The following FAT1 variants were observed in gnomAD, a reference collection of about 807,000 sequenced individuals.
FAT1 encodes the protein protocadherin Fat 1.
A neutral mutation model predicts 329.8 loss-of-function variants in FAT1; 171 were observed. That is an observed-to-expected ratio of 0.52 (90% CI 0.46 to 0.59). The LOEUF (loss-of-function observed/expected upper bound fraction) is 0.59. FAT1 is among the 20% of genes least tolerant of loss of function. The pLI is 0.00. For synonymous variants in FAT1, 2,233 were observed against 2,228.6 expected (o/e 1.00, Z -0.06); for missense variants, 5,672 against 5,774.4 (o/e 0.98, Z 0.57).
intron 26 of FAT1, among the ~76,000 whole-genome samples, chr4:186,591,668 C>G (rs1314009635): frequency 7.9e-5 from 12 of 152,208 alleles, no homozygotes; most frequent in Admixed American, 7.9e-4. Flanking sequence ...TAAAACTTCA[C>G]TAGACAAAAT....
rs771965001 is a variant in FAT1, at chr4:186,588,654, C to G, written c.13705G>C (p.Asp4569His). ...VMMSDYESGDDGHFEEVTIPP... is the reference protein window; with the variant it reads ...VMMSDYESGDHGHFEEVTIPP... ...ATCGTCACCTCTTCGAAGTGGCCGT[C>G]GTCCCCGCTCTCATAGTCACTCATC... is the stretch of plus-strand genomic sequence containing the variant. Residue 4569 changes from aspartate to histidine, a missense_variant, in exon 27 of 27, where the codon GAC becomes CAC. This residue lies in a region of FAT1 where 1,706 missense variants were observed against 1,859.1 expected (regional missense o/e 0.92). Transcript: ENST00000441802. The G allele has an allele frequency of 6.2e-7, 1 of 1,613,924 alleles. No individual in the cohort carries two copies. Among genetic ancestry groups the G allele is most frequent in the Non-Finnish European group, 8.5e-7 (1 of 1,179,870 alleles).
rs781514297 is a variant in FAT1, at chr4:186,611,395, A to C, written c.9844T>G (p.Ser3282Ala). The C allele has an allele frequency of 3.1e-6, 5 of 1,609,182 alleles. No individual in the cohort carries two copies. Among genetic ancestry groups the C allele is most frequent in the Non-Finnish European group, 4.2e-6 (5 of 1,177,568 alleles). ...GNEHGKFSID[S>A]KTGAVFIIEN... ...ATACATGGTAGGTTACCTGTTTTAG[A>C]ATCTATGCTGAATTTCCCATGTTCA... Residue 3282 changes from serine to alanine, a missense_variant, in exon 14 of 27, where the codon TCT (serine) becomes GCT (alanine). Ser to Ala is a moderately conservative substitution (Grantham distance 99). Transcript: ENST00000441802.
chr4:186,659,700 G>A (rs1170374608), intron 3 of FAT1, among the ~76,000 whole-genome samples: 1 of 118,032 alleles, frequency 8.5e-6, no homozygotes, highest in South Asian at 2.9e-4. Flanking sequence ...CCTGAACGAC[G>A]CTGGGCGCTC....
At position 186,720,950 on chromosome 4, in the gene FAT1, G is replaced by A. The variant is rs527648203; in HGVS notation, c.-19+2714C>T. ...GAGGCTGGTAACAACACTGCAGGTGGCTGCTCTGTAGAGGACTCATTTCCA... is the reference window on the plus strand; with the variant it reads ...GAGGCTGGTAACAACACTGCAGGTGACTGCTCTGTAGAGGACTCATTTCCA... On this transcript the variant is annotated intron_variant, in intron 1 of 26. Transcript: ENST00000441802. Among the ~76,000 whole-genome samples, 36 of 152,308 alleles carry A rather than the reference G, an allele frequency of 2.4e-4. No homozygotes were observed. The South Asian group carries it at 7.2e-3, about 31-fold the overall frequency.
At chr4:186,601,555 T>C (rs1738822632) in intron 20 of FAT1, 129 bp from the exon 21 acceptor site, 1 of 651,190 alleles carries the variant, frequency 1.5e-6, no homozygotes, top group Non-Finnish European at 2.4e-6. Context: ...TACTATCCAA[T>C]TCTGTGGGAA....
At chr4:186,692,523 A>G (rs889284050) in intron 2 of FAT1, among the ~76,000 whole-genome samples, 1 of 152,180 alleles carries the variant, frequency 6.6e-6, no homozygotes, top group Admixed American at 6.5e-5. Flanking sequence ...CGTGTTAGCC[A>G]GGATGGTCTC....
In FAT1 at chr4:186,707,161, A is replaced by G. The variant is rs749348219; in HGVS notation, c.2667T>C (p.His889=). The G allele has an allele frequency of 6.2e-7, 1 of 1,613,930 alleles. No homozygotes were observed. The highest frequency in any genetic ancestry group is 8.5e-7 in the Non-Finnish European group (1 of 1,179,872). ...IARPLDRELQ[H]EHSLKIEARD... The stretch of plus-strand genomic sequence containing the variant: ...TGGCCTCAATCTTTAAGGAGTGCTC[A>G]TGCTGCAGCTCTCGATCCAGAGGGC... The change falls in exon 2 of 27, where the codon CAT becomes CAC. Residue 889 remains histidine, a synonymous_variant. Coordinates refer to ENST00000441802, the MANE Select transcript of FAT1 (RefSeq NM_005245.4).
intron 6 of FAT1, among the ~76,000 whole-genome samples, chr4:186,635,724 C>G (rs1740789483): frequency 6.6e-6 from 1 of 152,168 alleles, no homozygotes; most frequent in African/African-American, 2.4e-5. Flanking sequence ...CAGTAAGAAG[C>G]TGTGCTTCTG....
chr4:186,663,653 G>A lies in FAT1; in HGVS notation c.3266-40C>T, dbSNP rs73873682. ...GAAAAGCGTAAAGCAGCACATCAAC[G>A]ACCAAAACTGCCAGCTTCAGAAAGT... On this transcript the variant is annotated intron_variant, in intron 2 of 26. Transcript: ENST00000441802. 4,435 of 1,493,120 alleles carry A rather than the reference G, an allele frequency of 3.0e-3. 109 individuals are homozygous for A. In the African/African-American group the frequency reaches 0.053, roughly 18 times the overall value. 92.5% of individuals were successfully genotyped at this position (1,493,120 alleles called of 1,614,324 possible). A position where few individuals can be genotyped will look rare whatever the true frequency, so the allele number is the denominator to read the frequency against.
intron 17 of FAT1, among the ~76,000 whole-genome samples, chr4:186,605,158 G>A (rs1236440870): frequency 6.8e-6 from 1 of 146,850 alleles, no homozygotes; most frequent in Non-Finnish European, 1.5e-5. Context: ...GGAGGGTGCA[G>A]TGAGCTGAGA....
rs376247803 is a variant in FAT1, at chr4:186,652,007, T to C, written c.3580+11292A>G. 9.7e-4 allele frequency among the ~76,000 whole-genome samples: 148 copies of C among 152,340 alleles called. No homozygotes were observed. The South Asian group carries it at 0.02, about 21-fold the overall frequency. On this transcript the variant is annotated intron_variant, in intron 3 of 26. Transcript: ENST00000441802. ...AGGCTGGAAAGCAGCTCAGAACTCATTTAGTTCAAACTTTCAGAGTTCCAA... is the reference window on the plus strand; with the variant it reads ...AGGCTGGAAAGCAGCTCAGAACTCACTTAGTTCAAACTTTCAGAGTTCCAA...
At chr4:186,648,246 T>G (rs1741471424) in intron 3 of FAT1, among the ~76,000 whole-genome samples, 1 of 152,200 alleles carries the variant, frequency 6.6e-6, no homozygotes, top group South Asian at 2.1e-4. Flanking sequence ...ATTGTGGCCA[T>G]CTTTAATCTT....
intron 18 of FAT1, 97 bp from the exon 19 acceptor site, chr4:186,604,074 C>G: frequency 2.2e-6 from 2 of 925,692 alleles, no homozygotes; most frequent in Non-Finnish European, 3.2e-6. Context: ...CAAAAAATTA[C>G]TAACTGGTAG....
At chr4:186,593,834 C>A (rs917993180) in intron 26 of FAT1, among the ~76,000 whole-genome samples, 7 of 152,126 alleles carry the variant, frequency 4.6e-5, no homozygotes, top group Admixed American at 1.3e-4. Context: ...GACAGCAACA[C>A]AAGTCTACAT....
intron 22 of FAT1, 132 bp from the exon 23 acceptor site, chr4:186,598,257 A>G (rs1323604514): frequency 1.0e-5 from 9 of 895,546 alleles, no homozygotes; most frequent in Non-Finnish European, 1.5e-5. Context: ...TCTCTGGGAA[A>G]AAAGTTGGCT....
chr4:186,610,074 T>A lies in FAT1; in HGVS notation c.9854-59A>T, dbSNP rs1337091753. The A allele has an allele frequency of 3.9e-6, 4 of 1,033,058 alleles. No homozygotes were observed. The South Asian group carries it at 4.1e-5, about 10-fold the overall frequency. The allele number at this position is 1,033,058 out of a possible 1,614,324, so 64.0% of individuals were successfully genotyped here. Reference sequence around the variant, plus strand: ...GCAATGCCACCACATTTTCCCACTATGACTGAAATAGATGAATGCTTTTGA... The same window carrying A: ...GCAATGCCACCACATTTTCCCACTAAGACTGAAATAGATGAATGCTTTTGA... On this transcript the variant is annotated intron_variant, in intron 14 of 26. Transcript: ENST00000441802.
chr4:186,600,510 C>G (rs1431499870), intron 21 of FAT1, 150 bp from the exon 22 acceptor site: 1 of 626,318 alleles, frequency 1.6e-6, no homozygotes, highest in Admixed American at 3.1e-5. Context: ...CATTTGTCCA[C>G]TGTATAAATC....
At position 186,599,749 on chromosome 4, in the gene FAT1, G is replaced by A. The variant is rs76966342; in HGVS notation, c.12103+149C>T. 0.044 allele frequency: 29,194 copies of A among 664,632 alleles called. 1,303 individuals are homozygous for A. The highest frequency in any genetic ancestry group is 0.18 in the East Asian group (6,441 of 36,364). The allele number at this position is 664,632 out of a possible 1,614,324, so 41.2% of individuals were successfully genotyped here. A position where few individuals can be genotyped will look rare whatever the true frequency, so the allele number is the denominator to read the frequency against. ...AGCAGACCCAGCTCTGCCCCCGTAT[G>A]AGGGATGCTGCTCGCTTCCAACACT... On this transcript the variant is annotated intron_variant, in intron 22 of 26. Coordinates refer to ENST00000441802, the MANE Select transcript of FAT1 (RefSeq NM_005245.4).
intron 2 of FAT1, among the ~76,000 whole-genome samples, chr4:186,705,631 C>G (rs1579480423): frequency 6.6e-6 from 1 of 152,214 alleles, no homozygotes; most frequent in Non-Finnish European, 1.5e-5. Flanking sequence ...GTGCTAAACA[C>G]AGAAGATGCA....
Sources: gnomAD v4.1 joint callset for allele counts (sites outside exome capture counted in the v4.1 genomes callset) on GRCh38, gnomAD v4.1.1 for gene constraint, gnomAD v4.1.1 regional missense constraint, MANE v1.5 for transcripts, NCBI Gene and HGNC (gene_info 2026-07-23, HGNC 2026-07-21) for gene names.